SPATS2L: variants seen among roughly 807,000 people sequenced by gnomAD.
The protein encoded by SPATS2L is SPATS2-like protein.
In SPATS2L, 30 loss-of-function variants were observed where a neutral mutation model predicts 59.6. The observed-to-expected ratio is 0.50, with a 90% confidence interval of 0.38 to 0.68. The LOEUF (loss-of-function observed/expected upper bound fraction) is 0.68, where lower values mean the gene tolerates loss of function less well. Among genes scored for constraint, SPATS2L ranks in the 30% least tolerant of loss-of-function variants. The pLI, the probability that SPATS2L is intolerant of heterozygous loss-of-function variation, is 0.00. For missense variants in SPATS2L, 615 were observed against 700.0 expected (o/e 0.88, Z 1.37); for synonymous variants, 252 against 263.5 (o/e 0.96, Z 0.42).
Position 200,439,308 on chromosome 2 carries a change from A to G in SPATS2L, c.632A>G (p.Asp211Gly). The change falls in exon 7 of 13, where the codon GAT becomes GGT. Residue 211 changes from aspartate to glycine, a missense_variant. Asp to Gly is a moderately conservative substitution (Grantham distance 94). Coordinates refer to ENST00000409140, the MANE Select transcript of SPATS2L (RefSeq NM_001100423.2). ...TPAAHLEIKPDELAKKRGPNI... is the reference protein window; with the variant it reads ...TPAAHLEIKPGELAKKRGPNI... ...GCAGCTCATCTTGAAATAAAGCCAG[A>G]TGAGTTGGCAAAGAAAAGAGGTAAA... 2 of 1,613,390 alleles carry G rather than the reference A, an allele frequency of 1.2e-6. No individual in the cohort carries two copies. The highest frequency in any genetic ancestry group is 1.7e-6 in the Non-Finnish European group (2 of 1,179,464).
chr2:200,447,999 G>A (rs1481205974), intron 8 of SPATS2L, among the ~76,000 whole-genome samples: 1 of 152,176 alleles, frequency 6.6e-6, no homozygotes, highest in Non-Finnish European at 1.5e-5. Context: ...TTTAAAATTA[G>A]CCAGATGTGG....
At chr2:200,307,083 G>A (rs1482556258) in intron 1 of SPATS2L, among the ~76,000 whole-genome samples, 161 bp downstream of exon 1, 1 of 150,594 alleles carries the variant, frequency 6.6e-6, no homozygotes, top group African/African-American at 2.4e-5. Flanking sequence ...GGTGTGGCCC[G>A]CGCTCGGCGC....
chr2:200,311,039 C>T (rs1307958540), intron 1 of SPATS2L, among the ~76,000 whole-genome samples: 3 of 152,164 alleles, frequency 2.0e-5, no homozygotes, highest in South Asian at 2.1e-4. Flanking sequence ...TTCTGTCTAC[C>T]GGCCCTGGCC....
chr2:200,401,560 A>G (rs1418386865), intron 3 of SPATS2L, among the ~76,000 whole-genome samples: 1 of 152,222 alleles, frequency 6.6e-6, no homozygotes, highest in Non-Finnish European at 1.5e-5. Context: ...ATGAGTTGAC[A>G]GGTGAGCAGT....
chr2:200,436,069 G>A (rs1334998222), intron 6 of SPATS2L, among the ~76,000 whole-genome samples: 2 of 152,076 alleles, frequency 1.3e-5, no homozygotes, highest in Admixed American at 6.6e-5. Flanking sequence ...GCCACATGTG[G>A]CCAGTGGCTA....
rs1323355255 is a variant in SPATS2L, at chr2:200,391,016, T to C, written c.39+1733T>C. ...TCTCTACTAAAAATACAAAATTATC[T>C]AGGTATGGTGCCAGACACACGTAAT... is the stretch of plus-strand genomic sequence containing the variant. On this transcript the variant is annotated intron_variant, in intron 3 of 12. Coordinates refer to ENST00000409140, the MANE Select transcript of SPATS2L (RefSeq NM_001100423.2). 3 of 151,770 alleles carry C rather than the reference T, an allele frequency of 2.0e-5. No homozygotes were observed. The East Asian group carries it at 5.8e-4, about 29-fold the overall frequency. 9.4% of individuals were successfully genotyped at this position (151,770 alleles called of 1,614,324 possible).
At chr2:200,384,558 T>C (rs1276120360) in intron 2 of SPATS2L, among the ~76,000 whole-genome samples, 1 of 152,208 alleles carries the variant, frequency 6.6e-6, no homozygotes, top group Non-Finnish European at 1.5e-5. Flanking sequence ...TTCACCGTGT[T>C]AGCCAGGATG....
At chr2:200,433,656 A>T (rs2084087338) in intron 6 of SPATS2L, among the ~76,000 whole-genome samples, 1 of 152,110 alleles carries the variant, frequency 6.6e-6, no homozygotes, top group South Asian at 2.1e-4. Context: ...ATTAACCCTG[A>T]CTTCATTTAT....
chr2:200,454,128 A>G (rs543615648), intron 8 of SPATS2L, among the ~76,000 whole-genome samples: 10 of 152,164 alleles, frequency 6.6e-5, no homozygotes, highest in African/African-American at 1.2e-4. Context: ...CTCTCACTCT[A>G]GTCTCCCTGA....
chr2:200,448,258 A>G (rs1235225397), intron 8 of SPATS2L, among the ~76,000 whole-genome samples: 1 of 152,164 alleles, frequency 6.6e-6, no homozygotes. Flanking sequence ...CCTGGCCAAC[A>G]TGGCTAAACC....
intron 2 of SPATS2L, among the ~76,000 whole-genome samples, chr2:200,357,674 A>G (rs372520084): frequency 6.6e-6 from 1 of 152,172 alleles, no homozygotes; most frequent in African/African-American, 2.4e-5. Context: ...TGTAACAAGA[A>G]TAGGGAAACT....
At chr2:200,440,821 G>T (rs2084645572) in intron 8 of SPATS2L, 37 bp downstream of exon 8, 1 of 1,602,452 alleles carries the variant, frequency 6.2e-7, no homozygotes, top group East Asian at 2.2e-5. Context: ...AATTTGTGAT[G>T]CTTGAGCTGT....
At chr2:200,411,192 G>A (rs947626368) in intron 3 of SPATS2L, among the ~76,000 whole-genome samples, 1 of 152,022 alleles carries the variant, frequency 6.6e-6, no homozygotes, top group African/African-American at 2.4e-5. Flanking sequence ...AGTAGCTTGT[G>A]CTGTTGTCTC....
chr2:200,345,859 T>A (rs1394243661), intron 2 of SPATS2L, among the ~76,000 whole-genome samples: 1 of 152,218 alleles, frequency 6.6e-6, no homozygotes, highest in Non-Finnish European at 1.5e-5. Flanking sequence ...GTTACATAGC[T>A]GAGAGCTGCT....
chr2:200,391,082 C>T (rs1238833819), intron 3 of SPATS2L, among the ~76,000 whole-genome samples: 4 of 152,152 alleles, frequency 2.6e-5, no homozygotes, highest in Non-Finnish European at 4.4e-5. Context: ...TTCGCTTATA[C>T]CTGGGAGGCA....
At chr2:200,385,663 AC>A (rs774894527) in intron 2 of SPATS2L, among the ~76,000 whole-genome samples, 19 of 151,980 alleles carry the variant, frequency 1.3e-4, no homozygotes, top group Non-Finnish European at 2.1e-4. Flanking sequence ...TAGCAGTAGA[AC>A]CCAATTTGAC....
chr2:200,393,296 G>A (rs73057899), intron 3 of SPATS2L: 2 of 456,794 alleles, frequency 4.4e-6, no homozygotes, highest in South Asian at 3.1e-5. Context: ...GCCGACATTA[G>A]AGTGTCTTAT....
intron 5 of SPATS2L, among the ~76,000 whole-genome samples, chr2:200,418,289 A>T (rs1483353148): frequency 6.6e-6 from 1 of 152,154 alleles, no homozygotes; most frequent in Admixed American, 6.5e-5. Context: ...TATTCATGGG[A>T]TGGCAGGGCG....
At chr2:200,433,642 T>G (rs1276356063) in intron 6 of SPATS2L, among the ~76,000 whole-genome samples, 1 of 152,058 alleles carries the variant, frequency 6.6e-6, no homozygotes, top group South Asian at 2.1e-4. Flanking sequence ...ATATCAGGGA[T>G]AAAATTAACC....
Sources: allele counts gnomAD v4.1 joint callset (sites outside exome capture counted in the v4.1 genomes callset), GRCh38; gene constraint gnomAD v4.1.1; transcripts MANE v1.5; gene names NCBI Gene and HGNC (gene_info 2026-07-23, HGNC 2026-07-21).